SLC24A2: variants seen among roughly 807,000 people sequenced by gnomAD.
SLC24A2 encodes solute carrier family 24 member 2, also known as sodium/potassium/calcium exchanger 2.
In SLC24A2, 36 loss-of-function variants were observed where a neutral mutation model predicts 62.0. The ratio of observed to expected loss-of-function variants is 0.58; its 90% CI spans 0.44 to 0.77. SLC24A2 has a LOEUF of 0.77. Among genes scored for constraint, SLC24A2 ranks in the 30% least tolerant of loss-of-function variants. SLC24A2 has a pLI of 0.00. For synonymous variants in SLC24A2, 358 were observed against 294.0 expected, an observed-to-expected ratio of 1.22 and a Z score of -2.23; for missense variants, 846 against 817.9, an observed-to-expected ratio of 1.03 and a Z score of -0.42.
the SLC24A2 span, among the ~76,000 whole-genome samples, chr9:19,972,020 A>ATTT: frequency 1.3e-5 from 2 of 152,328 alleles, no homozygotes; most frequent in Admixed American, 1.3e-4. Flanking sequence ...AATCTGGCTC[A>ATTT]AGAACTCTAT....
chr9:20,062,924 A>T, the SLC24A2 span, among the ~76,000 whole-genome samples: 1 of 118,490 alleles, frequency 8.4e-6, no homozygotes, highest in Non-Finnish European at 1.7e-5. Context: ...GAGAAATGCA[A>T]ATCAAAACCA....
At chr9:19,968,075 T>C in the SLC24A2 span, 2 of 152,176 alleles carry the variant, frequency 1.3e-5, no homozygotes, top group Admixed American at 6.5e-5. Flanking sequence ...ACCTATAAAA[T>C]AGGGAGGATA....
chr9:20,221,184 A>G, the SLC24A2 span, among the ~76,000 whole-genome samples: 1 of 152,080 alleles, frequency 6.6e-6, no homozygotes, highest in Non-Finnish European at 1.5e-5. Flanking sequence ...CATGGAGAAG[A>G]TAAGAGTGAC....
intron 2 of SLC24A2, among the ~76,000 whole-genome samples, chr9:19,715,511 CATTATGGCTCCTCAG>C: frequency 6.6e-6 from 1 of 152,328 alleles, no homozygotes; most frequent in South Asian, 2.1e-4. Flanking sequence ...TTGGAATCAA[CATTATGGCTCCTCAG>C]ATACCTCTGT....
the SLC24A2 span, among the ~76,000 whole-genome samples, chr9:20,261,797 TGGCACGATCTC>T: frequency 7.6e-6 from 1 of 130,812 alleles, no homozygotes; most frequent in Non-Finnish European, 1.5e-5. Flanking sequence ...TGGAGTGCAG[TGGCACGATCTC>T]GGCTCACTGC....
the SLC24A2 span, among the ~76,000 whole-genome samples, chr9:19,887,883 T>G: frequency 2.0e-5 from 3 of 152,168 alleles, no homozygotes. Context: ...TGGAGACTAT[T>G]AAGTGAAGTA....
chr9:19,604,413 G>GA (rs1312924054), intron 4 of SLC24A2, among the ~76,000 whole-genome samples: 1 of 152,224 alleles, frequency 6.6e-6, no homozygotes, highest in African/African-American at 2.4e-5. Flanking sequence ...CCAGTGCACA[G>GA]AATAGATGCT....
the SLC24A2 span, among the ~76,000 whole-genome samples, chr9:20,063,142 G>C: frequency 2.8e-5 from 4 of 140,934 alleles, no homozygotes; most frequent in Non-Finnish European, 4.5e-5. Flanking sequence ...CCATTACTGG[G>C]TATATACCCA....
At chr9:19,683,932 CT>C (rs1260779304) in intron 2 of SLC24A2, among the ~76,000 whole-genome samples, 1 of 152,104 alleles carries the variant, frequency 6.6e-6, no homozygotes, top group Non-Finnish European at 1.5e-5. Flanking sequence ...TTTTCACCAT[CT>C]CCCCTCCTGG....
chr9:19,521,700 AC>A (rs749689740), intron 9 of SLC24A2, among the ~76,000 whole-genome samples: 1 of 152,166 alleles, frequency 6.6e-6, no homozygotes, highest in South Asian at 2.1e-4. Flanking sequence ...TGCTTACTGT[AC>A]CAATTATATG....
At position 19,628,775 on chromosome 9, in the gene SLC24A2, T is replaced by C. The variant is rs902650809; in HGVS notation, c.931-6476A>G. The stretch of plus-strand genomic sequence containing the variant: ...CTGAGCCACACTGGAAGAAGAACTA[T>C]CTTAGGCCACACATAAAATACGCTA... On this transcript the variant is annotated intron_variant, in intron 2 of 10. Coordinates refer to ENST00000341998, the MANE Select transcript of SLC24A2 (RefSeq NM_020344.4). Among the ~76,000 whole-genome samples the C allele has an allele frequency of 3.9e-5, 6 of 152,324 alleles. 1 individual carries two copies. Among genetic ancestry groups the C allele is most frequent in the Non-Finnish European group, 8.8e-5 (6 of 68,026 alleles).
At chr9:20,079,934 T>C in the SLC24A2 span, among the ~76,000 whole-genome samples, 3 of 152,132 alleles carry the variant, frequency 2.0e-5, no homozygotes, top group African/African-American at 7.2e-5. Flanking sequence ...ATGAAGGACC[T>C]CTTCAAGGAG....
intron 2 of SLC24A2, among the ~76,000 whole-genome samples, chr9:19,783,382 T>C (rs1055484697): frequency 1.3e-5 from 2 of 152,324 alleles, no homozygotes; most frequent in South Asian, 2.1e-4. Flanking sequence ...GTACAGCACA[T>C]TCCTCTCTAG....
intron 2 of SLC24A2, among the ~76,000 whole-genome samples, chr9:19,639,725 G>A (rs1477358864): frequency 6.6e-6 from 1 of 152,192 alleles, no homozygotes; most frequent in Non-Finnish European, 1.5e-5. Flanking sequence ...TTCACATAGG[G>A]AAACTGAGAC....
intron 4 of SLC24A2, among the ~76,000 whole-genome samples, chr9:19,616,723 C>T (rs1407185705): frequency 6.6e-6 from 1 of 152,040 alleles, no homozygotes; most frequent in African/African-American, 2.4e-5. Flanking sequence ...CTTCCTGTAT[C>T]CTGGCAGAAA....
the SLC24A2 span, among the ~76,000 whole-genome samples, chr9:19,811,929 TTTC>T: frequency 6.6e-6 from 1 of 152,148 alleles, no homozygotes; most frequent in Non-Finnish European, 1.5e-5. Flanking sequence ...GCTGAAAAAC[TTTC>T]TTTAGTATTT....
At chr9:20,133,455 C>T in the SLC24A2 span, among the ~76,000 whole-genome samples, 1 of 152,032 alleles carries the variant, frequency 6.6e-6, no homozygotes, top group Non-Finnish European at 1.5e-5. Flanking sequence ...AAATATGCAA[C>T]ACTGCTTATA....
intron 10 of SLC24A2, among the ~76,000 whole-genome samples, chr9:19,518,571 G>A (rs116096502): frequency 0.01 from 1,522 of 151,914 alleles, 23 homozygotes; most frequent in African/African-American, 0.035. Context: ...GCAGGCGCAC[G>A]CCACCATTCG....
chr9:19,995,146 T>C, the SLC24A2 span, among the ~76,000 whole-genome samples: 2 of 151,940 alleles, frequency 1.3e-5, no homozygotes, highest in Non-Finnish European at 2.9e-5. Context: ...GGATTGAGGA[T>C]TGAAATCTGG....
Sources: allele counts gnomAD v4.1 joint callset (sites outside exome capture counted in the v4.1 genomes callset), GRCh38; gene constraint gnomAD v4.1.1; transcripts MANE v1.5; gene names NCBI Gene and HGNC (gene_info 2026-07-23, HGNC 2026-07-21).